Variants in RSU1 observed in about 807,000 individuals in gnomAD.
RSU1 encodes the protein Ras suppressor protein 1.
A neutral mutation model predicts 31.1 loss-of-function variants in RSU1; 26 were observed. That is an observed-to-expected ratio of 0.84 (90% CI 0.61 to 1.16). RSU1 has a LOEUF of 1.16. RSU1 is among the 50% of genes most tolerant of loss of function. The pLI is 0.00. For missense variants in RSU1, 320 were observed against 339.1 expected (o/e 0.94, Z 0.44); for synonymous variants, 164 against 136.3 (o/e 1.20, Z -1.41).
chr10:16,792,358 G>A (rs866189285), intron 2 of RSU1, among the ~76,000 whole-genome samples: 20 of 152,006 alleles, frequency 1.3e-4, no homozygotes, highest in Admixed American at 4.6e-4. Flanking sequence ...TCGGCCTCCC[G>A]AGTAGCTGAG....
At chr10:16,787,879 T>C (rs911861152) in intron 2 of RSU1, among the ~76,000 whole-genome samples, 4 of 152,204 alleles carry the variant, frequency 2.6e-5, no homozygotes, top group African/African-American at 9.6e-5. Context: ...GCTTTAGGAC[T>C]GAATTGTTAC....
intron 8 of RSU1, among the ~76,000 whole-genome samples, chr10:16,682,873 C>T (rs1428650862): frequency 6.6e-6 from 1 of 152,080 alleles, no homozygotes; most frequent in African/African-American, 2.4e-5. Context: ...CTCCACACCG[C>T]ACATGCCCTC....
chr10:16,611,267 C>G (rs74679084), intron 8 of RSU1, among the ~76,000 whole-genome samples: 1 of 152,272 alleles, frequency 6.6e-6, no homozygotes, highest in East Asian at 1.9e-4. Context: ...CCAGGGAAGA[C>G]GGGCTGCAGG....
At chr10:16,634,409 T>A (rs969613230) in intron 8 of RSU1, among the ~76,000 whole-genome samples, 1 of 152,234 alleles carries the variant, frequency 6.6e-6, no homozygotes, top group Non-Finnish European at 1.5e-5. Context: ...ACCATCCAAA[T>A]GCATCTCCCG....
intron 3 of RSU1, among the ~76,000 whole-genome samples, chr10:16,773,462 C>G (rs1837463693): frequency 1.3e-5 from 2 of 152,158 alleles, no homozygotes; most frequent in Non-Finnish European, 1.5e-5. Flanking sequence ...GAGTAAGGAT[C>G]CAGAGCCACA....
intron 8 of RSU1, among the ~76,000 whole-genome samples, chr10:16,597,114 A>G (rs1371552445): frequency 6.6e-6 from 1 of 152,178 alleles, no homozygotes; most frequent in Admixed American, 6.5e-5. Flanking sequence ...GAGTCTTGGC[A>G]ATGATAAGAG....
At chr10:16,755,193 C>T (rs1837059206) in intron 4 of RSU1, among the ~76,000 whole-genome samples, 1 of 152,214 alleles carries the variant, frequency 6.6e-6, no homozygotes, top group South Asian at 2.1e-4. Context: ...ATGATCTCAG[C>T]TCACTGCAGC....
intron 8 of RSU1, among the ~76,000 whole-genome samples, chr10:16,604,233 A>G (rs1240725778): frequency 1.3e-5 from 2 of 152,186 alleles, no homozygotes; most frequent in East Asian, 3.9e-4. Context: ...CACAGAATAG[A>G]TCGAAGCAGA....
intron 2 of RSU1, among the ~76,000 whole-genome samples, chr10:16,785,218 T>C (rs1837748766): frequency 6.6e-6 from 1 of 151,940 alleles, no homozygotes; most frequent in Non-Finnish European, 1.5e-5. Context: ...ACTGGCTTAG[T>C]CTCCCAGCCT....
chr10:16,727,441 A>T (rs1055743466), intron 7 of RSU1, among the ~76,000 whole-genome samples: 4 of 152,198 alleles, frequency 2.6e-5, no homozygotes, highest in African/African-American at 9.6e-5. Context: ...TTTCCCTCAG[A>T]AACAGCAGAA....
intron 8 of RSU1, 90 bp from the exon 9 acceptor site, chr10:16,593,586 C>G (rs943262035): frequency 1.0e-6 from 1 of 1,002,764 alleles, no homozygotes; most frequent in African/African-American, 1.6e-5. Context: ...AGAAGAATCT[C>G]CAAAAATATT....
intron 8 of RSU1, among the ~76,000 whole-genome samples, chr10:16,646,393 GTA>G (rs1323671124): frequency 6.6e-6 from 1 of 151,992 alleles, no homozygotes; most frequent in Admixed American, 6.6e-5. Context: ...ATTCATCCTG[GTA>G]TCCTCCTTCT....
chr10:16,625,299 T>C (rs1414929689), intron 8 of RSU1, among the ~76,000 whole-genome samples: 1 of 152,102 alleles, frequency 6.6e-6, no homozygotes, highest in African/African-American at 2.4e-5. Context: ...TGGGGTCTGG[T>C]TTGTCTTCAC....
At chr10:16,778,353 TCC>T (rs1453415764) in intron 3 of RSU1, among the ~76,000 whole-genome samples, 1 of 152,074 alleles carries the variant, frequency 6.6e-6, no homozygotes, top group Admixed American at 6.6e-5. Context: ...ATCCCAATGT[TCC>T]CCACTTTCTC....
At chr10:16,686,572 G>A (rs377617855) in intron 8 of RSU1, among the ~76,000 whole-genome samples, 16 of 152,242 alleles carry the variant, frequency 1.1e-4, no homozygotes, top group African/African-American at 3.9e-4. Context: ...CTTCTGTCAA[G>A]TGAGACAAAT....
intron 8 of RSU1, among the ~76,000 whole-genome samples, chr10:16,677,427 A>G (rs559400151): frequency 9.9e-5 from 15 of 151,610 alleles, no homozygotes; most frequent in Admixed American, 4.6e-4. Flanking sequence ...ACTAATCTAC[A>G]TGAAGAAAAT....
chr10:16,650,307 A>G (rs1279343759), intron 8 of RSU1, among the ~76,000 whole-genome samples: 1 of 152,230 alleles, frequency 6.6e-6, no homozygotes, highest in African/African-American at 2.4e-5. Flanking sequence ...CAGAAGTTTA[A>G]GTGAAGATTA....
intron 8 of RSU1, among the ~76,000 whole-genome samples, chr10:16,693,727 T>C (rs1180515823): frequency 1.3e-5 from 2 of 152,116 alleles, no homozygotes; most frequent in Admixed American, 1.3e-4. Context: ...CTGGGCATGG[T>C]GGTGTGCTCC....
chr10:16,736,412 A>G (rs1034925469), intron 7 of RSU1, among the ~76,000 whole-genome samples: 3 of 152,222 alleles, frequency 2.0e-5, no homozygotes, highest in Non-Finnish European at 4.4e-5. Flanking sequence ...AAGAGGCAGT[A>G]ATCCCAGAAG....
Sources: gnomAD v4.1 joint callset for allele counts (sites outside exome capture counted in the v4.1 genomes callset) on GRCh38, gnomAD v4.1.1 for gene constraint, MANE v1.5 for transcripts, NCBI Gene and HGNC (gene_info 2026-07-23, HGNC 2026-07-21) for gene names.